The following SLC6A5 variants were observed in gnomAD, a reference collection of about 807,000 sequenced individuals.
SLC6A5 encodes sodium- and chloride-dependent glycine transporter 2.
SLC6A5 carries 58 observed loss-of-function variants against 90.5 expected under a neutral mutation model. That is an observed-to-expected ratio of 0.64 (90% confidence interval 0.52 to 0.80). The LOEUF (loss-of-function observed/expected upper bound fraction) is 0.80. Among genes scored for constraint, SLC6A5 ranks in the 30% least tolerant of loss-of-function variants. The pLI, the probability that SLC6A5 is intolerant of heterozygous loss-of-function variation, is 0.00. For missense variants in SLC6A5, 1,015 were observed against 1,017.6 expected, an observed-to-expected ratio of 1.00 and a Z score of 0.03; for synonymous variants, 427 against 401.4, an observed-to-expected ratio of 1.06 and a Z score of -0.76.
chr11:20,617,468 C>T (rs1458378882), intron 6 of SLC6A5, among the ~76,000 whole-genome samples: 1 of 152,212 alleles, frequency 6.6e-6, no homozygotes, highest in East Asian at 1.9e-4. Flanking sequence ...ATGGAACTGA[C>T]AGCCTTGTCC....
At chr11:20,619,254 C>A (rs1852844208) in intron 7 of SLC6A5, among the ~76,000 whole-genome samples, 1 of 152,200 alleles carries the variant, frequency 6.6e-6, no homozygotes, top group African/African-American at 2.4e-5. Context: ...CTTTCACCCC[C>A]AGGCATGCTT....
chr11:20,610,859 G>A lies in SLC6A5; in HGVS notation c.985+3207G>A, dbSNP rs537604903. Among the ~76,000 whole-genome samples, 6 of 152,252 alleles carry A rather than the reference G, an allele frequency of 3.9e-5. No individual in the cohort carries two copies. In the South Asian group the frequency reaches 1.2e-3, roughly 32 times the overall value. On this transcript the variant is annotated intron_variant, in intron 5 of 15. Coordinates refer to ENST00000525748, the MANE Select transcript of SLC6A5 (RefSeq NM_004211.5). ...GTGGGCTCCTGGCATTTAGTAGGTG[G>A]AGGCCAGGGATTCTGCTAAATATCC...
intron 7 of SLC6A5, among the ~76,000 whole-genome samples, chr11:20,622,122 T>A (rs1467219070): frequency 6.6e-6 from 1 of 152,218 alleles, no homozygotes; most frequent in Non-Finnish European, 1.5e-5. Flanking sequence ...ACTGTTCAAG[T>A]TTAACTCCTC....
intron 13 of SLC6A5, among the ~76,000 whole-genome samples, chr11:20,640,920 TTTTCTTCTTG>T (rs1332111991): frequency 2.6e-5 from 4 of 152,200 alleles, no homozygotes; most frequent in Non-Finnish European, 4.4e-5. Flanking sequence ...GACATTTGTG[TTTTCTTCTTG>T]TTTCTAATAA....
intron 3 of SLC6A5, among the ~76,000 whole-genome samples, chr11:20,604,907 G>T (rs1011470064): frequency 1.3e-5 from 2 of 152,182 alleles, no homozygotes; most frequent in African/African-American, 4.8e-5. Flanking sequence ...TCTCAGAAGT[G>T]CCTGCCACCC....
At chr11:20,630,893 G>T (rs1853097620) in intron 10 of SLC6A5, 78 bp downstream of exon 10, 1 of 1,539,220 alleles carries the variant, frequency 6.5e-7, no homozygotes, top group Admixed American at 1.8e-5. Flanking sequence ...AGACTATGCT[G>T]GGAAGCTGGC....
rs1853662533 is a variant in SLC6A5 at position 20,658,375 on chromosome 11, A to C, written c.*3507A>C. On this transcript the variant is annotated 3_prime_UTR_variant, in exon 16 of 16. Coordinates refer to ENST00000525748, the MANE Select transcript of SLC6A5 (RefSeq NM_004211.5). ...GTTGCACCTGGATTTGAGTTGGGAC[A>C]TGCTTCTTTGAGGCAGATGATTCAA... 1 of 152,216 alleles carries C rather than the reference A, an allele frequency of 6.6e-6. No homozygotes were observed. Among genetic ancestry groups the C allele is most frequent in the Non-Finnish European group, 1.5e-5 (1 of 68,068 alleles). 9.4% of individuals were successfully genotyped at this position (152,216 alleles called of 1,614,324 possible).
intron 13 of SLC6A5, among the ~76,000 whole-genome samples, chr11:20,646,450 T>C (rs1853416792): frequency 6.6e-6 from 1 of 152,208 alleles, no homozygotes; most frequent in Non-Finnish European, 1.5e-5. Context: ...GCTCTGTTTA[T>C]TGACCACAGT....
intron 1 of SLC6A5, among the ~76,000 whole-genome samples, chr11:20,600,399 GAA>G (rs1852444130): frequency 2.2e-5 from 3 of 139,154 alleles, no homozygotes; most frequent in African/African-American, 5.3e-5. Context: ...AGAAGAAGAA[GAA>G]GAAGAAGAAG....
chr11:20,637,080 C>A (rs1590175024), intron 11 of SLC6A5, 92 bp from the exon 12 acceptor site: 1 of 1,367,010 alleles, frequency 7.3e-7, no homozygotes, highest in South Asian at 1.2e-5. Flanking sequence ...AACACAAATA[C>A]AACTTTCCTG....
chr11:20,614,331 T>C (rs1359037840), intron 5 of SLC6A5, among the ~76,000 whole-genome samples: 1 of 152,180 alleles, frequency 6.6e-6, no homozygotes, highest in Non-Finnish European at 1.5e-5. Flanking sequence ...TAAGCCTGCT[T>C]CCTTATTTTG....
intron 1 of SLC6A5, among the ~76,000 whole-genome samples, chr11:20,600,382 AAGAAGAAGAAGAAGAAG>A (rs1484305580): frequency 6.7e-6 from 1 of 150,264 alleles, no homozygotes; most frequent in Non-Finnish European, 1.5e-5. Context: ...GAAGAAGAAG[AAGAAGAAGAAGAAGAAG>A]AAGAAGAAGA....
At position 20,638,549 on chromosome 11, in the gene SLC6A5, T is replaced by A; in HGVS notation, c.1960T>A (p.Tyr654Asn). Residue 654 changes from tyrosine to asparagine, a missense_variant, in exon 13 of 16, where the codon TAT becomes AAT. Physicochemically the swap from Tyr to Asn is moderately radical, Grantham distance 143 (BLOSUM62 -2). Around this residue, in one of 3 missense-constraint regions of SLC6A5, gnomAD observed 442 missense variants for 494.3 expected, o/e 0.89. Transcript: ENST00000525748. ...CATTTTTGAGCTCGTGGGGATCTCT[T>A]ATGTGTATGGTAAGGAAATCACTGT... The part of the protein sequence containing the change: ...IAIFELVGIS[Y>N]VYGLQRFCED... 6.3e-7 allele frequency: 1 copy of A among 1,598,042 alleles called. No homozygotes were observed. The highest frequency in any genetic ancestry group is 8.6e-7 in the Non-Finnish European group (1 of 1,165,436).
rs866927001 is a variant in SLC6A5 at position 20,626,106 on chromosome 11, G to A, written c.1261-602G>A. On this transcript the variant is annotated intron_variant, in intron 7 of 15. Coordinates refer to ENST00000525748, the MANE Select transcript of SLC6A5 (RefSeq NM_004211.5). Reference sequence around the variant, plus strand: ...ATGCATTAGCTCATTGAATCCTCACGATTATCTGTAAGAAAGGTGCTATTA... The same window carrying A: ...ATGCATTAGCTCATTGAATCCTCACAATTATCTGTAAGAAAGGTGCTATTA... 1.9e-4 allele frequency among the ~76,000 whole-genome samples: 29 copies of A among 152,298 alleles called. 1 individual carries two copies. Among genetic ancestry groups the A allele is most frequent in the Middle Eastern group, 6.8e-3 (2 of 294 alleles).
intron 9 of SLC6A5, among the ~76,000 whole-genome samples, chr11:20,628,914 A>C (rs1214943891): frequency 6.6e-6 from 1 of 152,142 alleles, no homozygotes; most frequent in Non-Finnish European, 1.5e-5. Flanking sequence ...GGGTCAGACA[A>C]GGTGGATCAT....
chr11:20,620,910 C>T (rs1852876500), intron 7 of SLC6A5, among the ~76,000 whole-genome samples: 1 of 152,058 alleles, frequency 6.6e-6, no homozygotes, highest in African/African-American at 2.4e-5. Context: ...AGTGATTGTC[C>T]TGCCTCAGAC....
intron 2 of SLC6A5, 117 bp from the exon 3 acceptor site, chr11:20,604,169 G>T (rs909941845): frequency 7.6e-7 from 1 of 1,317,858 alleles, no homozygotes; most frequent in Admixed American, 2.2e-5. Context: ...ATGCATCCTC[G>T]GTTGAGAAGT....
At position 20,658,482 on chromosome 11, in the gene SLC6A5, T is replaced by G. The variant is rs1037932857; in HGVS notation, c.*3614T>G. 2 of 152,096 alleles carry G rather than the reference T, an allele frequency of 1.3e-5. No homozygotes were observed. Among genetic ancestry groups the G allele is most frequent in the Non-Finnish European group, 2.9e-5 (2 of 68,024 alleles). The allele number at this position is 152,096 out of a possible 1,614,324, so 9.4% of individuals were successfully genotyped here. On this transcript the variant is annotated 3_prime_UTR_variant, in exon 16 of 16. Coordinates refer to ENST00000525748, the MANE Select transcript of SLC6A5 (RefSeq NM_004211.5). ...AGGAGCATTTCCTTCTCTTTCACAC[T>G]GGGTATCAAGCAGAAAACTTCCAGG...
intron 7 of SLC6A5, among the ~76,000 whole-genome samples, chr11:20,625,418 C>T (rs1852974447): frequency 6.6e-6 from 1 of 152,156 alleles, no homozygotes; most frequent in Admixed American, 6.5e-5. Flanking sequence ...CCTGCCACCA[C>T]ACCCGGCTAA....
Sources: gnomAD v4.1 joint callset for allele counts (sites outside exome capture counted in the v4.1 genomes callset) on GRCh38, gnomAD v4.1.1 for gene constraint, gnomAD v4.1.1 regional missense constraint, MANE v1.5 for transcripts, NCBI Gene and HGNC (gene_info 2026-07-23, HGNC 2026-07-21) for gene names.